DDX10: variants seen among roughly 807,000 people sequenced by gnomAD.
DDX10 encodes DEAD-box helicase 10.
A neutral mutation model predicts 104.3 loss-of-function variants in DDX10; 74 were observed. The ratio of observed to expected loss-of-function variants is 0.71; its 90% CI spans 0.59 to 0.86. DDX10 has a LOEUF of 0.86. DDX10 is among the 40% of genes least tolerant of loss of function. The pLI is 0.00. For synonymous variants in DDX10, 351 were observed against 353.4 expected, an observed-to-expected ratio of 0.99 and a Z score of 0.08; for missense variants, 952 against 1,040.0, an observed-to-expected ratio of 0.92 and a Z score of 1.16.
At chr11:108,700,693 A>G (rs2094266494) in intron 9 of DDX10, among the ~76,000 whole-genome samples, 1 of 152,210 alleles carries the variant, frequency 6.6e-6, no homozygotes, top group Non-Finnish European at 1.5e-5. Context: ...GGACTTTGTC[A>G]CTAATGACCG....
At chr11:108,809,362 T>G (rs1862146145) in intron 13 of DDX10, among the ~76,000 whole-genome samples, 1 of 152,178 alleles carries the variant, frequency 6.6e-6, no homozygotes, top group African/African-American at 2.4e-5. Context: ...TCCGCCCCCT[T>G]CCTCCATGTG....
chr11:108,759,971 T>C (rs1353203432), intron 13 of DDX10, among the ~76,000 whole-genome samples: 3 of 151,642 alleles, frequency 2.0e-5, no homozygotes, highest in Non-Finnish European at 4.4e-5. Flanking sequence ...GGTTTTGATA[T>C]GTCTTCAGAA....
chr11:108,879,191 CG>C (rs1237769379), intron 16 of DDX10, among the ~76,000 whole-genome samples: 2 of 152,022 alleles, frequency 1.3e-5, no homozygotes, highest in African/African-American at 2.4e-5. Flanking sequence ...TAGTAGAGAC[CG>C]GGTTTCACCA....
chr11:108,910,728 C>CGTGTGTGTGTGTGTGTGTGTGT (rs56191738), intron 16 of DDX10, among the ~76,000 whole-genome samples: 1 of 127,670 alleles, frequency 7.8e-6, no homozygotes, highest in Non-Finnish European at 1.7e-5. Flanking sequence ...AGCGTGCATG[C>CGTGTGTGTGTGTGTGTGTGTGT]GTGTGTGTGT....
intron 13 of DDX10, among the ~76,000 whole-genome samples, chr11:108,730,392 T>C (rs2094310574): frequency 6.6e-6 from 1 of 152,182 alleles, no homozygotes; most frequent in Non-Finnish European, 1.5e-5. Context: ...GCTGTCTTCC[T>C]GGGAAAACAT....
intron 16 of DDX10, among the ~76,000 whole-genome samples, chr11:108,861,749 T>C (rs1862944218): frequency 6.6e-6 from 1 of 152,138 alleles, no homozygotes; most frequent in Non-Finnish European, 1.5e-5. Context: ...TGAAAACTCA[T>C]CAAGCTATAA....
chr11:108,885,647 T>TTACA (rs1362861792), intron 16 of DDX10, among the ~76,000 whole-genome samples: 1 of 152,164 alleles, frequency 6.6e-6, no homozygotes, highest in Admixed American at 6.5e-5. Context: ...AGTGCTGGGA[T>TTACA]TACAGGTGTG....
intron 16 of DDX10, among the ~76,000 whole-genome samples, chr11:108,905,522 C>A (rs1341970404): frequency 6.6e-6 from 1 of 152,052 alleles, no homozygotes; most frequent in African/African-American, 2.4e-5. Flanking sequence ...TTGACAAATG[C>A]ATAGTGATGT....
intron 9 of DDX10, among the ~76,000 whole-genome samples, chr11:108,704,510 C>G (rs1207029804): frequency 6.6e-6 from 1 of 152,204 alleles, no homozygotes; most frequent in Admixed American, 6.5e-5. Flanking sequence ...GACCTGCAAT[C>G]TTTCCTTGGT....
At chr11:108,687,876 C>T in intron 6 of DDX10, among the ~76,000 whole-genome samples, 1 of 152,136 alleles carries the variant, frequency 6.6e-6, no homozygotes, top group East Asian at 1.9e-4. Context: ...TCTGTCCCTC[C>T]TCCTTTTTTC....
At position 108,678,446 on chromosome 11, in the gene DDX10, T is replaced by C. The variant is rs776339594; in HGVS notation, c.658+11T>C. The stretch of plus-strand genomic sequence containing the variant: ...ACCTCCAAATGTTAGGTGAGTCAAA[T>C]CAATTTCTAATTTAAAAAAAAAAAA... On this transcript the variant is annotated intron_variant, in intron 5 of 17. Coordinates refer to ENST00000322536, the MANE Select transcript of DDX10 (RefSeq NM_004398.4). The C allele has an allele frequency of 5.5e-5, 86 of 1,560,078 alleles. No homozygotes were observed. In the East Asian group the frequency reaches 1.9e-3, roughly 35 times the overall value.
intron 13 of DDX10, among the ~76,000 whole-genome samples, chr11:108,803,664 C>T (rs1862057298): frequency 6.6e-6 from 1 of 151,322 alleles, no homozygotes; most frequent in South Asian, 2.1e-4. Flanking sequence ...CTGAGACATA[C>T]ATATGTAAAT....
chr11:108,913,216 C>T lies in DDX10; in HGVS notation c.2305-4657C>T, dbSNP rs553065122. ...CTTGGTTTTATACATTTTAGGGGGA[C>T]GTGAGACATCAATCAGTATCTGTAA... On this transcript the variant is annotated intron_variant, in intron 16 of 17. Coordinates refer to ENST00000322536, the MANE Select transcript of DDX10 (RefSeq NM_004398.4). Among the ~76,000 whole-genome samples, 7 of 152,050 alleles carry T rather than the reference C, an allele frequency of 4.6e-5. No homozygotes were observed. In the South Asian group the frequency reaches 6.3e-4, roughly 14 times the overall value.
intron 13 of DDX10, among the ~76,000 whole-genome samples, chr11:108,745,264 C>T (rs956480119): frequency 2.8e-5 from 4 of 140,974 alleles, no homozygotes; most frequent in Non-Finnish European, 6.1e-5. Flanking sequence ...ACCTTCCTTT[C>T]CTTCCTTTCC....
At chr11:108,935,395 T>G (rs1247949482) in intron 17 of DDX10, among the ~76,000 whole-genome samples, 1 of 152,166 alleles carries the variant, frequency 6.6e-6, no homozygotes, top group African/African-American at 2.4e-5. Flanking sequence ...ATGAGACTCT[T>G]TAAAGATTAT....
chr11:108,731,818 T>C (rs910159015), intron 13 of DDX10, among the ~76,000 whole-genome samples: 59 of 152,294 alleles, frequency 3.9e-4, no homozygotes, highest in African/African-American at 1.4e-3. Flanking sequence ...AGACGAGATA[T>C]AGAAAAATCA....
At chr11:108,902,160 G>T (rs1863524866) in intron 16 of DDX10, among the ~76,000 whole-genome samples, 1 of 152,120 alleles carries the variant, frequency 6.6e-6, no homozygotes, top group South Asian at 2.1e-4. Flanking sequence ...CTCTAACAAA[G>T]AATTTACTGG....
At chr11:108,834,764 A>G (rs1388381639) in intron 13 of DDX10, among the ~76,000 whole-genome samples, 1 of 151,836 alleles carries the variant, frequency 6.6e-6, no homozygotes, top group Admixed American at 6.6e-5. Context: ...TGTCTCTACT[A>G]AAAATACAAA....
chr11:108,757,671 T>G (rs1488316373), intron 13 of DDX10, among the ~76,000 whole-genome samples: 1 of 152,100 alleles, frequency 6.6e-6, no homozygotes, highest in African/African-American at 2.4e-5. Context: ...CCAGAACCAC[T>G]TGTTGGTTGT....
Sources: gnomAD v4.1 joint callset for allele counts (sites outside exome capture counted in the v4.1 genomes callset) on GRCh38, gnomAD v4.1.1 for gene constraint, MANE v1.5 for transcripts, NCBI Gene and HGNC (gene_info 2026-07-23, HGNC 2026-07-21) for gene names.